The following ROBO2 variants were observed in gnomAD, a reference collection of about 807,000 sequenced individuals.
ROBO2 encodes roundabout homolog 2.
ROBO2 carries 53 observed loss-of-function variants against 160.8 expected under a neutral mutation model. The ratio of observed to expected loss-of-function variants is 0.33; its 90% CI spans 0.26 to 0.41. ROBO2 has a LOEUF of 0.41. ROBO2 is among the 10% of genes least tolerant of loss of function. The pLI is 1.00. For synonymous variants in ROBO2, 664 were observed against 611.7 expected, an observed-to-expected ratio of 1.09 and a Z score of -1.26; for missense variants, 1,577 against 1,722.4, an observed-to-expected ratio of 0.92 and a Z score of 1.49.
chr3:77,594,217 G>C lies in ROBO2; in HGVS notation c.2684-925G>C, dbSNP rs1055597441. ...CACTGCAGAAAAACTAAATAACTTT[G>C]AATACAGTTTACTGTCTCAGAACCT... is the stretch of plus-strand genomic sequence containing the variant. On this transcript the variant is annotated intron_variant, in intron 17 of 25. Transcript: ENST00000461745. Among the ~76,000 whole-genome samples, 32 of 152,178 alleles carry C rather than the reference G, an allele frequency of 2.1e-4. 1 individual carries two copies. The highest frequency in any genetic ancestry group is 2.0e-3 in the Admixed American group (31 of 15,266).
chr3:77,305,815 G>T (rs988253311), intron 2 of ROBO2, among the ~76,000 whole-genome samples: 1 of 152,108 alleles, frequency 6.6e-6, no homozygotes, highest in Non-Finnish European at 1.5e-5. Context: ...TTTATTCGAC[G>T]TTCTCCAGAT....
At chr3:77,487,494 A>G (rs1004957196) in intron 4 of ROBO2, among the ~76,000 whole-genome samples, 8 of 152,202 alleles carry the variant, frequency 5.3e-5, no homozygotes, top group African/African-American at 1.7e-4. Flanking sequence ...AGCCAAAAAG[A>G]AACTAATGCA....
chr3:75,934,669 CAGAG>C (rs373610551), intron 1 of ROBO2, among the ~76,000 whole-genome samples: 280 of 152,260 alleles, frequency 1.8e-3, no homozygotes, highest in African/African-American at 2.5e-3. Context: ...AACATCAACT[CAGAG>C]AGGAAGGTTA....
intron 2 of ROBO2, among the ~76,000 whole-genome samples, chr3:77,447,179 T>C (rs1278864396): frequency 1.3e-5 from 2 of 152,116 alleles, no homozygotes; most frequent in Admixed American, 6.6e-5. Context: ...AAATGTTTCA[T>C]AGCAACAGCC....
At chr3:76,937,246 A>C (rs775958292) in intron 2 of ROBO2, among the ~76,000 whole-genome samples, 7 of 152,200 alleles carry the variant, frequency 4.6e-5, no homozygotes, top group Non-Finnish European at 1.0e-4. Context: ...TATCTGATTC[A>C]AATGTCTACC....
At chr3:75,955,338 A>G (rs1948684441) in intron 2 of ROBO2, among the ~76,000 whole-genome samples, 1 of 151,800 alleles carries the variant, frequency 6.6e-6, no homozygotes. Context: ...CTTTGCATAG[A>G]ATATAAATTT....
At chr3:77,492,641 A>G (rs949265622) in intron 4 of ROBO2, among the ~76,000 whole-genome samples, 1 of 152,196 alleles carries the variant, frequency 6.6e-6, no homozygotes, top group South Asian at 2.1e-4. Context: ...GCAACAATTA[A>G]TAATGACAGT....
At chr3:76,674,325 T>C (rs2106740640) in intron 2 of ROBO2, among the ~76,000 whole-genome samples, 1 of 152,184 alleles carries the variant, frequency 6.6e-6, no homozygotes, top group African/African-American at 2.4e-5. Context: ...GCTGATAATC[T>C]TGGAACGGCA....
chr3:76,767,784 C>T (rs978102642), intron 2 of ROBO2, among the ~76,000 whole-genome samples: 1 of 151,420 alleles, frequency 6.6e-6, no homozygotes, highest in Non-Finnish European at 1.5e-5. Flanking sequence ...GTTTTAGCTT[C>T]CACTTCAATA....
chr3:77,627,214 A>G (rs1477801467), intron 23 of ROBO2, among the ~76,000 whole-genome samples: 2 of 152,162 alleles, frequency 1.3e-5, no homozygotes, highest in Non-Finnish European at 2.9e-5. Flanking sequence ...CAAGCATCGT[A>G]TGTCCTAATG....
At chr3:75,937,548 C>G (rs2107015226) in exon 2 of ROBO2, 2 of 1,577,078 alleles carry the variant, frequency 1.3e-6, no homozygotes, top group East Asian at 2.3e-5. Flanking sequence ...GGCTCCGGGA[C>G]TGTTGATGAT....
intron 2 of ROBO2, among the ~76,000 whole-genome samples, chr3:77,147,149 G>A (rs368965660): frequency 6.6e-6 from 1 of 152,122 alleles, no homozygotes; most frequent in Non-Finnish European, 1.5e-5. Flanking sequence ...AATTTTCTTA[G>A]GTTTAGCAAA....
intron 2 of ROBO2, among the ~76,000 whole-genome samples, chr3:77,173,842 G>T (rs1194655525): frequency 2.0e-5 from 3 of 152,018 alleles, no homozygotes. Flanking sequence ...TTCTCATGAG[G>T]TTAGAAACTA....
In ROBO2 at chr3:76,141,494, G is replaced by C. The variant is rs1160881275; in HGVS notation, c.109+203892G>C. Among the ~76,000 whole-genome samples the C allele has an allele frequency of 2.0e-5, 3 of 151,218 alleles. No homozygotes were observed. In the Admixed American group the frequency reaches 2.0e-4, roughly 10 times the overall value. ...GAGACACATAATTAAAAAAATCCTAGCAAAGAACAATGAGTAACATTGAAT... is the reference window on the plus strand; with the variant it reads ...GAGACACATAATTAAAAAAATCCTACCAAAGAACAATGAGTAACATTGAAT... On this transcript the variant is annotated intron_variant, in intron 2 of 26. Transcript: ENST00000487694.
At chr3:76,685,541 C>T (rs547912101) in intron 2 of ROBO2, among the ~76,000 whole-genome samples, 19 of 151,966 alleles carry the variant, frequency 1.3e-4, no homozygotes, top group South Asian at 2.1e-4. Flanking sequence ...TGTTGACTTC[C>T]GATCACTTAA....
At chr3:76,672,563 A>C (rs1333334844) in intron 2 of ROBO2, among the ~76,000 whole-genome samples, 1 of 152,292 alleles carries the variant, frequency 6.6e-6, no homozygotes, top group East Asian at 1.9e-4. Context: ...AAAAATAATC[A>C]AGAGTGTTTG....
At chr3:76,716,460 G>T (rs1259880071) in intron 2 of ROBO2, among the ~76,000 whole-genome samples, 1 of 152,108 alleles carries the variant, frequency 6.6e-6, no homozygotes. Context: ...AAAAATCTCT[G>T]CCCTTAGATA....
chr3:76,011,765 A>G (rs960496837), intron 2 of ROBO2, among the ~76,000 whole-genome samples: 9 of 152,328 alleles, frequency 5.9e-5, no homozygotes, highest in South Asian at 4.1e-4. Context: ...ATGCTCCTCA[A>G]TGGAAATTTT....
intron 2 of ROBO2, among the ~76,000 whole-genome samples, chr3:76,574,287 GAGGTGTTTCAT>G (rs1430003644): frequency 6.6e-6 from 1 of 151,934 alleles, no homozygotes; most frequent in Non-Finnish European, 1.5e-5. Flanking sequence ...GAAAAGTATA[GAGGTGTTTCAT>G]TAGATAACCA....
Sources: allele counts gnomAD v4.1 joint callset (sites outside exome capture counted in the v4.1 genomes callset), GRCh38; gene constraint gnomAD v4.1.1; transcripts MANE v1.5; gene names NCBI Gene and HGNC (gene_info 2026-07-23, HGNC 2026-07-21).